MEGF8: variants seen among roughly 807,000 people sequenced by gnomAD.
MEGF8 encodes the protein multiple EGF like domains 8.
Under a neutral mutation model 302.9 loss-of-function variants are expected in MEGF8, and 156 were observed. The observed-to-expected ratio is 0.52, with a 90% CI of 0.45 to 0.59. The LOEUF is 0.59. MEGF8 is among the 20% of genes least tolerant of loss of function. The probability of loss-of-function intolerance (pLI) is 0.00; values close to 1 mark genes in which losing one functional copy is unlikely to be tolerated. For synonymous variants in MEGF8, 1,621 were observed against 1,660.5 expected, an observed-to-expected ratio of 0.98 and a Z score of 0.58; for missense variants, 3,345 against 3,964.5, an observed-to-expected ratio of 0.84 and a Z score of 4.20.
In MEGF8 at chr19:42,351,543, T is replaced by C. The variant is rs946594766; in HGVS notation, c.2970T>C (p.Cys990=). 4.3e-6 allele frequency: 7 copies of C among 1,609,708 alleles called. No homozygotes were observed. The African/African-American group carries it at 9.4e-5, about 22-fold the overall frequency. The change falls in exon 17 of 42, where the codon TGT becomes TGC. Residue 990 remains cysteine (C), a synonymous_variant. Transcript: ENST00000251268. This position sits in a 1 kb window ranked among gnomAD's most constrained non-coding sequence, Gnocchi z 5.6. ...AYLARYPHGG[C]RGWDDSVHSE... is the part of the protein sequence containing the mutation. Reference sequence around the variant, plus strand: ...TGGCCCGGTACCCACACGGGGGCTGTCGAGGCTGGGACGACAGGTATGGTC... The same window carrying C: ...TGGCCCGGTACCCACACGGGGGCTGCCGAGGCTGGGACGACAGGTATGGTC...
At position 42,344,091 on chromosome 19, in the gene MEGF8, A is replaced by G. The variant is rs375817896; in HGVS notation, c.1788+18A>G. ...TGGGGGCTGTGAGTGACAGCCCTAGACCCTCTGTTCCCTAGCATAGAGACC... is the reference window on the plus strand; with the variant it reads ...TGGGGGCTGTGAGTGACAGCCCTAGGCCCTCTGTTCCCTAGCATAGAGACC... On this transcript the variant is annotated intron_variant, in intron 10 of 41. Coordinates refer to ENST00000251268, the MANE Select transcript of MEGF8 (RefSeq NM_001271938.2). This position sits in a 1 kb window ranked among gnomAD's most constrained non-coding sequence, Gnocchi z 4.5. 4.3e-6 allele frequency: 7 copies of G among 1,611,652 alleles called. No homozygotes were observed. The African/African-American group carries it at 9.4e-5, about 22-fold the overall frequency.
At chr19:42,338,185 G>A (rs2039158559) in intron 8 of MEGF8, among the ~76,000 whole-genome samples, 1 of 151,722 alleles carries the variant, frequency 6.6e-6, no homozygotes, top group South Asian at 2.1e-4. Context: ...GGGATTTGGT[G>A]TACTGATTAT....
chr19:42,356,577 AC>A lies in MEGF8; in HGVS notation c.4622+125del. On this transcript the variant is annotated intron_variant, in intron 26 of 41. Transcript: ENST00000251268. The surrounding 1 kb of genome is among the most constrained non-coding windows in gnomAD (Gnocchi z 5.2). Reference sequence around the variant, plus strand: ...AAAGGACAGCCCAAAGGATGCTGGGACACTTGTCACAGGAAGCTCACCCGGG... The same window carrying A: ...AAAGGACAGCCCAAAGGATGCTGGGAACTTGTCACAGGAAGCTCACCCGGG... The A allele has an allele frequency of 1.0e-6, 1 of 963,144 alleles. No homozygotes were observed. The highest frequency in any genetic ancestry group is 2.6e-5 in the East Asian group (1 of 37,954). 59.7% of individuals were successfully genotyped at this position (963,144 alleles called of 1,614,324 possible).
At chr19:42,341,619 T>C (rs1362907258) in intron 8 of MEGF8, among the ~76,000 whole-genome samples, 1 of 152,114 alleles carries the variant, frequency 6.6e-6, no homozygotes, top group Non-Finnish European at 1.5e-5. Flanking sequence ...TAAAATATTT[T>C]TGTTTTTTAG....
At chr19:42,374,378 G>A (rs948854072) in intron 41 of MEGF8, among the ~76,000 whole-genome samples, 1 of 151,550 alleles carries the variant, frequency 6.6e-6, no homozygotes, top group African/African-American at 2.4e-5. Context: ...GGCTGAGGCA[G>A]GAGAATCGCT....
In MEGF8 at chr19:42,358,908, C is replaced by G. The variant is rs752764127; in HGVS notation, c.5297C>G (p.Ala1766Gly). Residue 1766 changes from alanine (A) to glycine (G), a missense_variant, in exon 30 of 42, where the codon GCT becomes GGT. Ala to Gly is a moderately conservative substitution (Grantham distance 60). Coordinates refer to ENST00000251268, the MANE Select transcript of MEGF8 (RefSeq NM_001271938.2). This position sits in a 1 kb window ranked among gnomAD's most constrained non-coding sequence, Gnocchi z 4.4. ...RKKMALWAALAGTGGFLEEIS... is the reference protein window; with the variant it reads ...RKKMALWAALGGTGGFLEEIS... ...AAGATGGCTCTGTGGGCTGCTCTTG[C>G]TGGTACAGGAGGTTTCCTGGAGGAA... is the stretch of plus-strand genomic sequence containing the variant. 12 of 1,611,528 alleles carry G rather than the reference C, an allele frequency of 7.4e-6. No homozygotes were observed. The South Asian group carries it at 1.2e-4, about 16-fold the overall frequency.
Position 42,354,623 on chromosome 19 carries a change from C to T in MEGF8, c.4047C>T (p.Arg1349=), listed in dbSNP as rs748821417. ...SYVLAFDGFP[R]FLDTGVVQSD... ...TCCTGGCGTTTGATGGATTCCCACG[C>T]TTCCTGGACACTGGTGTTGTCCAGT... Residue 1349 remains arginine, a synonymous_variant, in exon 23 of 42, where the codon CGC becomes CGT. Transcript: ENST00000251268. The surrounding 1 kb of genome is among the most constrained non-coding windows in gnomAD (Gnocchi z 4.3). The T allele has an allele frequency of 1.9e-6, 3 of 1,613,192 alleles. No homozygotes were observed. The highest frequency in any genetic ancestry group is 1.7e-5 in the Admixed American group (1 of 60,002).
Position 42,336,355 on chromosome 19 carries a change from C to A in MEGF8, c.1244+9C>A. 1.3e-6 allele frequency: 2 copies of A among 1,582,572 alleles called. No individual in the cohort carries two copies. The highest frequency in any genetic ancestry group is 1.1e-5 in the South Asian group (1 of 87,282). On this transcript the variant is annotated intron_variant, in intron 6 of 41. Coordinates refer to ENST00000251268, the MANE Select transcript of MEGF8 (RefSeq NM_001271938.2). This position sits in a 1 kb window ranked among gnomAD's most constrained non-coding sequence, Gnocchi z 4.8. The stretch of plus-strand genomic sequence containing the variant: ...CGGCCCTCCACTGCCCGGTAAGTGA[C>A]CTGTCCCATAACCCATGCTCCACAG...
chr19:42,358,800 G>C lies in MEGF8; in HGVS notation c.5189G>C (p.Arg1730Thr), dbSNP rs540356511. ...CACTGTCACTAGCGAGATCGTATGA[G>C]GAATGTGCGTGGCTCATCTCGGGGT... ...PSQGAKRDRM[R>T]NVRGSSRGLG... Residue 1730 changes from arginine (R) to threonine (T), a missense_variant, in exon 30 of 42, where the codon AGG (arginine) becomes ACG (threonine). By Grantham distance (71) the Arg-to-Thr change is moderately conservative (BLOSUM62 -1). Coordinates refer to ENST00000251268, the MANE Select transcript of MEGF8 (RefSeq NM_001271938.2). This position sits in a 1 kb window ranked among gnomAD's most constrained non-coding sequence, Gnocchi z 4.4. The C allele has an allele frequency of 6.4e-7, 1 of 1,566,396 alleles. No individual in the cohort carries two copies. Among genetic ancestry groups the C allele is most frequent in the African/African-American group, 1.4e-5 (1 of 73,418 alleles).
At position 42,358,283 on chromosome 19, in the gene MEGF8, G is replaced by A; in HGVS notation, c.5151G>A (p.Leu1717=). ...SLHCPDRTWS[L]LAPSQGAKRD... ...ACTGTCCTGACCGCACCTGGAGTCTGCTGGCCCCTTCTCAGGGGGCAAAGG... is the reference window on the plus strand; with the variant it reads ...ACTGTCCTGACCGCACCTGGAGTCTACTGGCCCCTTCTCAGGGGGCAAAGG... The change falls in exon 29 of 42, where the codon CTG becomes CTA. Residue 1717 remains leucine, a synonymous_variant. Coordinates refer to ENST00000251268, the MANE Select transcript of MEGF8 (RefSeq NM_001271938.2). This position sits in a 1 kb window ranked among gnomAD's most constrained non-coding sequence, Gnocchi z 4.4. The A allele has an allele frequency of 1.2e-6, 2 of 1,605,008 alleles. No homozygotes were observed. Among genetic ancestry groups the A allele is most frequent in the Admixed American group, 1.7e-5 (1 of 58,852 alleles).
Position 42,356,078 on chromosome 19 carries a change from C to T in MEGF8, c.4393-5C>T, listed in dbSNP as rs1324743029. On this transcript the variant is annotated splice_region_variant and splice_polypyrimidine_tract_variant and intron_variant, in intron 24 of 41. Transcript: ENST00000251268. This position sits in a 1 kb window ranked among gnomAD's most constrained non-coding sequence, Gnocchi z 5.2. ...GGCTCCCCTGAGTCCCTTGTCATCCCCCAGAGCCTGGGTGTGTGCATCTGT... is the reference window on the plus strand; with the variant it reads ...GGCTCCCCTGAGTCCCTTGTCATCCTCCAGAGCCTGGGTGTGTGCATCTGT... The T allele has an allele frequency of 3.8e-6, 6 of 1,588,834 alleles. No homozygotes were observed. Among genetic ancestry groups the T allele is most frequent in the Non-Finnish European group, 4.3e-6 (5 of 1,164,472 alleles).
At chr19:42,329,803 C>T (rs2039032102) in intron 1 of MEGF8, among the ~76,000 whole-genome samples, 1 of 150,750 alleles carries the variant, frequency 6.6e-6, no homozygotes, top group African/African-American at 2.4e-5. Flanking sequence ...GCCTAGGAGG[C>T]TGAGGTCTCA....
intron 31 of MEGF8, 72 bp from the exon 32 acceptor site, chr19:42,360,703 T>C: frequency 6.5e-7 from 1 of 1,539,408 alleles, no homozygotes. Context: ...CTTCTCTGAC[T>C]GGCATCATGG....
In MEGF8 at chr19:42,356,367, C is replaced by A; in HGVS notation, c.4536C>A (p.Gly1512=). The A allele has an allele frequency of 6.2e-7, 1 of 1,613,198 alleles. No homozygotes were observed. Among genetic ancestry groups the A allele is most frequent in the Non-Finnish European group, 8.5e-7 (1 of 1,179,626 alleles). ...DTASRFLHRL[G]HTMVDGPDAT... ...CCAGCCGCTTCCTGCACCGCCTGGGCCACACCATGGTGGATGGACCCGATG... is the reference window on the plus strand; with the variant it reads ...CCAGCCGCTTCCTGCACCGCCTGGGACACACCATGGTGGATGGACCCGATG... Residue 1512 remains glycine (G), a synonymous_variant, in exon 26 of 42, where the codon GGC becomes GGA. Coordinates refer to ENST00000251268, the MANE Select transcript of MEGF8 (RefSeq NM_001271938.2). This position sits in a 1 kb window ranked among gnomAD's most constrained non-coding sequence, Gnocchi z 5.2.
intron 1 of MEGF8, among the ~76,000 whole-genome samples, chr19:42,327,897 C>T (rs2039005909): frequency 6.6e-6 from 1 of 152,200 alleles, no homozygotes; most frequent in African/African-American, 2.4e-5. Context: ...GAGTTTGAGA[C>T]CAGCCTGGGC....
rs1041374277 is a variant in MEGF8, at chr19:42,377,144, C to T, written c.*369C>T. 4.2e-5 allele frequency: 9 copies of T among 214,548 alleles called. No homozygotes were observed. Among genetic ancestry groups the T allele is most frequent in the African/African-American group, 2.1e-4 (9 of 43,824 alleles). 13.3% of individuals were successfully genotyped at this position (214,548 alleles called of 1,614,324 possible). On this transcript the variant is annotated 3_prime_UTR_variant, in exon 42 of 42. Coordinates refer to ENST00000251268, the MANE Select transcript of MEGF8 (RefSeq NM_001271938.2). ...TAAGATGGCTTCAGAGAGGGAGAAG[C>T]ACTGTGAGGCCTCCAGAGGATGTGG...
At chr19:42,359,910 G>C (rs939411520) in intron 31 of MEGF8, among the ~76,000 whole-genome samples, 1 of 145,866 alleles carries the variant, frequency 6.9e-6, no homozygotes. Context: ...GCCCACGCTG[G>C]TCTTGAACTC....
rs201180083 is a variant in MEGF8 at position 42,336,021 on chromosome 19, G to A, written c.919G>A (p.Val307Met). 1.3e-4 allele frequency: 201 copies of A among 1,560,024 alleles called. No homozygotes were observed. In the African/African-American group the frequency reaches 2.1e-3, roughly 16 times the overall value. ...ELADGSLTNDVWAFSPLGRGH... is the reference protein window; with the variant it reads ...ELADGSLTNDMWAFSPLGRGH... ...GGCTGACGGCTCGCTCACCAACGACGTGTGGGCCTTCAGTCCACTGGGCAG... is the reference window on the plus strand; with the variant it reads ...GGCTGACGGCTCGCTCACCAACGACATGTGGGCCTTCAGTCCACTGGGCAG... Residue 307 changes from valine (V) to methionine (M), a missense_variant, in exon 6 of 42, where the codon GTG (valine) becomes ATG (methionine). Physicochemically the swap from Val to Met is conservative, Grantham distance 21. Coordinates refer to ENST00000251268, the MANE Select transcript of MEGF8 (RefSeq NM_001271938.2). This position sits in a 1 kb window ranked among gnomAD's most constrained non-coding sequence, Gnocchi z 4.8.
intron 35 of MEGF8, among the ~76,000 whole-genome samples, chr19:42,364,494 G>A (rs2147500227): frequency 6.6e-6 from 1 of 152,308 alleles, no homozygotes; most frequent in African/African-American, 2.4e-5. Context: ...AGACAACAGT[G>A]CAGGGATGTG....
Sources: allele counts gnomAD v4.1 joint callset (sites outside exome capture counted in the v4.1 genomes callset), GRCh38; gene constraint gnomAD v4.1.1; non-coding constraint Gnocchi (gnomAD v3.1); transcripts MANE v1.5; gene names NCBI Gene and HGNC (gene_info 2026-07-23, HGNC 2026-07-21).